WWTR1: variants seen among roughly 807,000 people sequenced by gnomAD.
WWTR1 encodes the protein WW domain containing transcription regulator 1.
WWTR1 carries 13 observed loss-of-function variants against 40.1 expected under a neutral mutation model. The observed-to-expected ratio is 0.32, with a 90% CI of 0.21 to 0.52. WWTR1 has a LOEUF of 0.52. Among genes scored for constraint, WWTR1 ranks in the 20% least tolerant of loss-of-function variants. The probability of loss-of-function intolerance (pLI) is 0.97; values close to 1 mark genes in which losing one functional copy is unlikely to be tolerated. For synonymous variants in WWTR1, 230 were observed against 210.1 expected, an observed-to-expected ratio of 1.09 and a Z score of -0.82; for missense variants, 436 against 523.1, an observed-to-expected ratio of 0.83 and a Z score of 1.63.
At chr3:149,711,704 C>T (rs2108231415) in intron 5 of WWTR1, among the ~76,000 whole-genome samples, 1 of 152,250 alleles carries the variant, frequency 6.6e-6, no homozygotes, top group Middle Eastern at 3.4e-3. Context: ...GATTCAATTG[C>T]CCAGTCTCTC....
At chr3:149,690,514 AAAG>A (rs1206820969) in intron 1 of WWTR1, among the ~76,000 whole-genome samples, 2 of 152,226 alleles carry the variant, frequency 1.3e-5, no homozygotes, top group Non-Finnish European at 2.9e-5. Context: ...AAAAATAGGC[AAAG>A]AAGGTCATTA....
chr3:149,556,721 A>G (rs1207406965), intron 3 of WWTR1, among the ~76,000 whole-genome samples: 2 of 152,172 alleles, frequency 1.3e-5, no homozygotes, highest in African/African-American at 2.4e-5. Flanking sequence ...AGGATGGGGG[A>G]ACAGACAGAA....
At chr3:149,721,364 T>C (rs1236037327) in intron 4 of WWTR1, among the ~76,000 whole-genome samples, 1 of 152,260 alleles carries the variant, frequency 6.6e-6, no homozygotes, top group East Asian at 1.9e-4. Context: ...GATGATCATG[T>C]GGCTTTCTCC....
intron 2 of WWTR1, among the ~76,000 whole-genome samples, chr3:149,629,833 A>C (rs972281245): frequency 1.3e-5 from 2 of 152,140 alleles, no homozygotes; most frequent in Non-Finnish European, 2.9e-5. Context: ...ATATGCAAAC[A>C]TATAGGGAAA....
intron 3 of WWTR1, among the ~76,000 whole-genome samples, chr3:149,550,680 G>C (rs1468596818): frequency 6.8e-6 from 1 of 147,536 alleles, no homozygotes; most frequent in African/African-American, 2.5e-5. Context: ...CATGTGCCTA[G>C]AATGAGGGAC....
At position 149,657,644 on chromosome 3, in the gene WWTR1, G is replaced by C. The variant is rs1713328883; in HGVS notation, c.-4+121C>G. 1.3e-5 allele frequency: 3 copies of C among 238,618 alleles called. No individual in the cohort carries two copies. The South Asian group carries it at 2.4e-4, about 19-fold the overall frequency. The allele number at this position is 238,618 out of a possible 1,614,324, so 14.8% of individuals were successfully genotyped here. ...GGAAAGGTCGCACGATTCCAGGACAGGCAGCCCCCCGAAAGAAGTTCAGCC... is the reference window on the plus strand; with the variant it reads ...GGAAAGGTCGCACGATTCCAGGACACGCAGCCCCCCGAAAGAAGTTCAGCC... On this transcript the variant is annotated intron_variant, in intron 1 of 6. Coordinates refer to ENST00000360632, the MANE Select transcript of WWTR1 (RefSeq NM_015472.6).
intron 3 of WWTR1, among the ~76,000 whole-genome samples, chr3:149,569,386 C>T (rs1487469797): frequency 1.3e-5 from 2 of 152,102 alleles, no homozygotes; most frequent in Non-Finnish European, 2.9e-5. Context: ...AAGCACTTTG[C>T]ATATATAAAC....
intron 2 of WWTR1, among the ~76,000 whole-genome samples, chr3:149,593,668 T>C (rs1738840635): frequency 6.6e-6 from 1 of 152,204 alleles, no homozygotes; most frequent in African/African-American, 2.4e-5. Flanking sequence ...GGAAACAAAA[T>C]GCTCTTTGAG....
chr3:149,527,887 G>T lies in WWTR1; in HGVS notation c.854C>A (p.Thr285Asn), dbSNP rs1209620582. The T allele has an allele frequency of 3.7e-6, 6 of 1,614,136 alleles. No individual in the cohort carries two copies. The South Asian group carries it at 4.4e-5, about 12-fold the overall frequency. The change falls in exon 5 of 7, where the codon ACC becomes AAC. Residue 285 changes from threonine to asparagine, a missense_variant. Thr to Asn is a moderately conservative substitution (Grantham distance 65, BLOSUM62 0). Coordinates refer to ENST00000360632, the MANE Select transcript of WWTR1 (RefSeq NM_015472.6). Reference protein sequence around the residue: ...VQAAVNPPTMTPDMRSITNNS... With the variant: ...VQAAVNPPTMNPDMRSITNNS... ...ATTAGTGATGGATCTCATGTCTGGGGTCATCGTGGGTGGGTTGACAGCAGC... is the reference window on the plus strand; with the variant it reads ...ATTAGTGATGGATCTCATGTCTGGGTTCATCGTGGGTGGGTTGACAGCAGC...
chr3:149,529,797 T>C (rs549009568), intron 4 of WWTR1, among the ~76,000 whole-genome samples: 1 of 152,280 alleles, frequency 6.6e-6, no homozygotes, highest in African/African-American at 2.4e-5. Flanking sequence ...AGCACACTCA[T>C]ACACCCTGAG....
rs1713360046 is a variant in WWTR1 at position 149,657,962 on chromosome 3, C to G, written c.-201G>C. 1 of 153,174 alleles carries G rather than the reference C, an allele frequency of 6.5e-6. No homozygotes were observed. Among genetic ancestry groups the G allele is most frequent in the South Asian group, 2.1e-4 (1 of 4,846 alleles). 9.5% of individuals were successfully genotyped at this position (153,174 alleles called of 1,614,324 possible). On this transcript the variant is annotated 5_prime_UTR_variant, in exon 1 of 7. Coordinates refer to ENST00000360632, the MANE Select transcript of WWTR1 (RefSeq NM_015472.6). Reference sequence around the variant, plus strand: ...ACATCCCCCGAGCTGGCCTAAGGCGCTAGTGCTGGGCGAAAAGGAGGCGCA... The same window carrying G: ...ACATCCCCCGAGCTGGCCTAAGGCGGTAGTGCTGGGCGAAAAGGAGGCGCA...
intron 2 of WWTR1, among the ~76,000 whole-genome samples, chr3:149,643,263 C>T (rs2108131210): frequency 6.6e-6 from 1 of 152,290 alleles, no homozygotes; most frequent in East Asian, 1.9e-4. Flanking sequence ...TCTGAAACTA[C>T]AGTTACATAA....
In WWTR1 at chr3:149,618,074, C is replaced by T. The variant is rs568768956; in HGVS notation, c.431+38802G>A. On this transcript the variant is annotated intron_variant, in intron 2 of 6. Transcript: ENST00000360632. Reference sequence around the variant, plus strand: ...AGAACTATAATTACTTTTGAAATAACTTTTAAGGGTTACTTTTTAAAGGCT... The same window carrying T: ...AGAACTATAATTACTTTTGAAATAATTTTTAAGGGTTACTTTTTAAAGGCT... Among the ~76,000 whole-genome samples, 5 of 152,212 alleles carry T rather than the reference C, an allele frequency of 3.3e-5. No individual in the cohort carries two copies. In the East Asian group the frequency reaches 7.7e-4, roughly 24 times the overall value.
intron 2 of WWTR1, among the ~76,000 whole-genome samples, chr3:149,590,013 C>G (rs1738621206): frequency 6.6e-6 from 1 of 152,100 alleles, no homozygotes; most frequent in Non-Finnish European, 1.5e-5. Context: ...CAAATTAAGT[C>G]ATTCTCAATT....
intron 3 of WWTR1, among the ~76,000 whole-genome samples, chr3:149,569,250 T>A (rs774760813): frequency 6.6e-6 from 1 of 152,164 alleles, no homozygotes; most frequent in Non-Finnish European, 1.5e-5. Flanking sequence ...AAAGCACTTA[T>A]AAAGAACAGT....
chr3:149,665,978 C>T (rs1713798095), intron 2 of WWTR1, among the ~76,000 whole-genome samples: 1 of 152,150 alleles, frequency 6.6e-6, no homozygotes, highest in East Asian at 1.9e-4. Flanking sequence ...TCAACAAATA[C>T]GGTACATATT....
chr3:149,571,124 A>G (rs745324421), intron 3 of WWTR1, among the ~76,000 whole-genome samples: 2 of 151,852 alleles, frequency 1.3e-5, no homozygotes, highest in Non-Finnish European at 2.9e-5. Context: ...ACACACACAC[A>G]CAACTAGAAA....
At chr3:149,626,852 G>A (rs543702756) in intron 2 of WWTR1, among the ~76,000 whole-genome samples, 6 of 152,236 alleles carry the variant, frequency 3.9e-5, no homozygotes, top group East Asian at 3.9e-4. Flanking sequence ...CACCTACTCC[G>A]TCCTGAGGCC....
intron 2 of WWTR1, among the ~76,000 whole-genome samples, chr3:149,600,141 T>C (rs1739179161): frequency 6.6e-6 from 1 of 152,154 alleles, no homozygotes; most frequent in Non-Finnish European, 1.5e-5. Context: ...TTGAGCGTCG[T>C]CAAATTTTTG....
Sources: gnomAD v4.1 joint callset for allele counts (sites outside exome capture counted in the v4.1 genomes callset) on GRCh38, gnomAD v4.1.1 for gene constraint, MANE v1.5 for transcripts, NCBI Gene and HGNC (gene_info 2026-07-23, HGNC 2026-07-21) for gene names.